The following SGMS2 variants were observed in gnomAD, a reference collection of about 807,000 sequenced individuals.
The protein encoded by SGMS2 is sphingomyelin synthase 2, also known as phosphatidylcholine:ceramide cholinephosphotransferase 2.
In SGMS2, 21 loss-of-function variants were observed where a neutral mutation model predicts 43.8. That is an observed-to-expected ratio of 0.48 (90% CI 0.34 to 0.69). The LOEUF (loss-of-function observed/expected upper bound fraction) is 0.69. Ranked by LOEUF, SGMS2 falls within the 30% of genes least tolerant of loss-of-function variation. SGMS2 has a pLI of 0.01. For synonymous variants in SGMS2, 167 were observed against 160.6 expected (o/e 1.04, Z -0.30); for missense variants, 384 against 443.2 (o/e 0.87, Z 1.20).
rs540459024 is a variant in SGMS2 at position 107,912,056 on chromosome 4, T to C, written c.*1503T>C. On this transcript the variant is annotated 3_prime_UTR_variant, in exon 7 of 7. Transcript: ENST00000690982. ...GGTGAAATTTTTCTTTCATTTAGAA[T>C]GGAAAACATCCCCAAATGTATCATT... 4 of 152,290 alleles carry C rather than the reference T, an allele frequency of 2.6e-5. No homozygotes were observed. The highest frequency in any genetic ancestry group is 5.9e-5 in the Non-Finnish European group (4 of 68,018). 9.4% of individuals were successfully genotyped at this position (152,290 alleles called of 1,614,324 possible).
intron 4 of SGMS2, among the ~76,000 whole-genome samples, chr4:107,902,899 C>T (rs1315709762): frequency 1.3e-5 from 2 of 152,044 alleles, no homozygotes; most frequent in Admixed American, 1.3e-4. Flanking sequence ...CTCACTTCCC[C>T]CTGCAAAAAG....
intron 2 of SGMS2, among the ~76,000 whole-genome samples, chr4:107,884,336 C>T (rs905711021): frequency 6.6e-6 from 1 of 152,144 alleles, no homozygotes; most frequent in African/African-American, 2.4e-5. Context: ...CCCCTATATT[C>T]TCTTCATAGG....
chr4:107,860,562 C>T (rs1415503180), intron 2 of SGMS2, among the ~76,000 whole-genome samples: 1 of 150,262 alleles, frequency 6.7e-6, no homozygotes, highest in Non-Finnish European at 1.5e-5. Context: ...CTCTCTGTTG[C>T]CCAGGCTGGA....
rs1730579463 is a variant in SGMS2 at position 107,895,353 on chromosome 4, C to T, written c.-201C>T. ...TTTGAGGGAAGAATTGGCTTCCTTTCTTGAAAGTGGTGAAGGTACAGCATA... is the reference window on the plus strand; with the variant it reads ...TTTGAGGGAAGAATTGGCTTCCTTTTTTGAAAGTGGTGAAGGTACAGCATA... On this transcript the variant is annotated 5_prime_UTR_variant, in exon 3 of 7. Coordinates refer to ENST00000690982, the MANE Select transcript of SGMS2 (RefSeq NM_001375905.1). 1 of 523,022 alleles carries T rather than the reference C, an allele frequency of 1.9e-6. No individual in the cohort carries two copies. Among genetic ancestry groups the T allele is most frequent in the Admixed American group, 3.7e-5 (1 of 27,314 alleles). The allele number at this position is 523,022 out of a possible 1,614,324, so 32.4% of individuals were successfully genotyped here.
In SGMS2 at chr4:107,886,265, T is replaced by C. The variant is rs536074825; in HGVS notation, c.-244-9045T>C. Among the ~76,000 whole-genome samples the C allele has an allele frequency of 2.6e-3, 392 of 151,810 alleles. 1 individual carries two copies. The highest frequency in any genetic ancestry group is 4.7e-3 in the Non-Finnish European group (317 of 67,944). ...CCCAGGCTGGAATGCAGTGGTGTGATCACTGCTCACTGCAGCCTCAACCTC... is the reference window on the plus strand; with the variant it reads ...CCCAGGCTGGAATGCAGTGGTGTGACCACTGCTCACTGCAGCCTCAACCTC... On this transcript the variant is annotated intron_variant, in intron 2 of 6. Coordinates refer to ENST00000690982, the MANE Select transcript of SGMS2 (RefSeq NM_001375905.1).
At chr4:107,847,391 T>G (rs1312712195) in intron 1 of SGMS2, among the ~76,000 whole-genome samples, 1 of 152,124 alleles carries the variant, frequency 6.6e-6, no homozygotes, top group Non-Finnish European at 1.5e-5. Context: ...CATTGCTTGT[T>G]TTTCTCAGGT....
chr4:107,884,491 T>C (rs1029750569), intron 2 of SGMS2, among the ~76,000 whole-genome samples: 2 of 77,520 alleles, frequency 2.6e-5, no homozygotes, highest in African/African-American at 1.5e-4. Flanking sequence ...CTCCAAAAGA[T>C]TTAAACAAAG....
chr4:107,827,367 G>A (rs1725650826), intron 1 of SGMS2, among the ~76,000 whole-genome samples: 1 of 152,164 alleles, frequency 6.6e-6, no homozygotes, highest in Non-Finnish European at 1.5e-5. Flanking sequence ...AAAGCTTATA[G>A]TCCAGTAGAG....
At chr4:107,837,549 G>T (rs1198504394) in intron 1 of SGMS2, among the ~76,000 whole-genome samples, 1 of 152,154 alleles carries the variant, frequency 6.6e-6, no homozygotes, top group African/African-American at 2.4e-5. Flanking sequence ...GACCGAGTTG[G>T]GTAGGGCTGG....
intron 2 of SGMS2, among the ~76,000 whole-genome samples, chr4:107,885,953 TG>T (rs1262639861): frequency 1.3e-5 from 2 of 152,190 alleles, no homozygotes; most frequent in Non-Finnish European, 2.9e-5. Flanking sequence ...AAAAATTAGC[TG>T]ATGTGGATAG....
intron 3 of SGMS2, among the ~76,000 whole-genome samples, chr4:107,897,005 T>C (rs745686354): frequency 1.2e-4 from 18 of 152,222 alleles, no homozygotes; most frequent in Non-Finnish European, 2.5e-4. Context: ...CCAAGTCAAA[T>C]AGGATTTCAG....
chr4:107,829,239 T>C (rs1725759184), intron 1 of SGMS2, among the ~76,000 whole-genome samples: 1 of 152,224 alleles, frequency 6.6e-6, no homozygotes, highest in African/African-American at 2.4e-5. Context: ...TTTCTATTAG[T>C]TTATTTTTAT....
chr4:107,854,413 G>A (rs748532356), intron 1 of SGMS2, among the ~76,000 whole-genome samples: 2 of 152,190 alleles, frequency 1.3e-5, no homozygotes, highest in Non-Finnish European at 2.9e-5. Flanking sequence ...AGCCTGAGAT[G>A]ACTATGACTA....
At chr4:107,893,494 A>T (rs1249485570) in intron 2 of SGMS2, 1 of 152,164 alleles carries the variant, frequency 6.6e-6, no homozygotes, top group Non-Finnish European at 1.5e-5. Flanking sequence ...TGTTGAAAAT[A>T]CCTTCCTGAG....
At chr4:107,848,540 G>C (rs986993796) in intron 1 of SGMS2, among the ~76,000 whole-genome samples, 2 of 152,164 alleles carry the variant, frequency 1.3e-5, no homozygotes, top group Non-Finnish European at 2.9e-5. Flanking sequence ...CACCAGCAAT[G>C]AATGAGAGTT....
rs549726548 is a variant in SGMS2 at position 107,899,494 on chromosome 4, T to C, written c.456-81T>C. On this transcript the variant is annotated intron_variant, in intron 3 of 6. Transcript: ENST00000690982. ...ATTCTGTACTGATTATTCTTTATCC[T>C]GTTAAACATTGTTTTATTTTTCATT... 4.7e-3 allele frequency: 4,272 copies of C among 914,854 alleles called. 25 individuals carry two copies. Among genetic ancestry groups the C allele is most frequent in the Non-Finnish European group, 6.2e-3 (3,549 of 576,704 alleles). The allele number at this position is 914,854 out of a possible 1,614,324, so 56.7% of individuals were successfully genotyped here.
intron 2 of SGMS2, among the ~76,000 whole-genome samples, chr4:107,877,575 A>G (rs1729001930): frequency 6.6e-6 from 1 of 152,232 alleles, no homozygotes; most frequent in Admixed American, 6.5e-5. Context: ...ACCATTAAAC[A>G]TGGAACAGGT....
intron 1 of SGMS2, among the ~76,000 whole-genome samples, chr4:107,856,611 T>G (rs1229693691): frequency 6.6e-6 from 1 of 152,138 alleles, no homozygotes; most frequent in Non-Finnish European, 1.5e-5. Context: ...GAGAGGGTGA[T>G]AACCGGAGAA....
intron 2 of SGMS2, among the ~76,000 whole-genome samples, chr4:107,871,436 A>G (rs1398814287): frequency 6.6e-6 from 1 of 151,894 alleles, no homozygotes; most frequent in Non-Finnish European, 1.5e-5. Flanking sequence ...TTTATCTCTC[A>G]TTGTTCTTTT....
Sources: gnomAD v4.1 joint callset for allele counts (sites outside exome capture counted in the v4.1 genomes callset) on GRCh38, gnomAD v4.1.1 for gene constraint, MANE v1.5 for transcripts, NCBI Gene and HGNC (gene_info 2026-07-23, HGNC 2026-07-21) for gene names.